The following ZMYM2 variants were observed in gnomAD, a reference collection of about 807,000 sequenced individuals.
ZMYM2 encodes zinc finger MYM-type protein 2.
A neutral mutation model predicts 162.8 loss-of-function variants in ZMYM2; 56 were observed. That is an observed-to-expected ratio of 0.34 (90% CI 0.28 to 0.43). ZMYM2 has a LOEUF of 0.43. ZMYM2 is among the 20% of genes least tolerant of loss of function. The pLI, the probability that ZMYM2 is intolerant of heterozygous loss-of-function variation, is 1.00. For missense variants in ZMYM2, 1,275 were observed against 1,621.8 expected, an observed-to-expected ratio of 0.79 and a Z score of 3.67; for synonymous variants, 510 against 541.6, an observed-to-expected ratio of 0.94 and a Z score of 0.81.
intron 2 of ZMYM2, among the ~76,000 whole-genome samples, chr13:19,976,710 G>A (rs922380376): frequency 5.9e-5 from 9 of 152,148 alleles, no homozygotes; most frequent in Non-Finnish European, 1.2e-4. Flanking sequence ...ATGTCCTCAT[G>A]GTTCTACGTT....
At chr13:19,883,900 G>A in the ZMYM2 span, among the ~76,000 whole-genome samples, 2 of 152,132 alleles carry the variant, frequency 1.3e-5, no homozygotes, top group Non-Finnish European at 2.9e-5. Context: ...GGGATTACAA[G>A]GGCCCACCCC....
rs1181179109 is a variant in ZMYM2 at position 20,087,732 on chromosome 13, T to C, written c.*1718T>C. The stretch of plus-strand genomic sequence containing the variant: ...GACTTTTCAGTCCCTTGATTTTATA[T>C]TGTTGAGTGATAATCAGACTGATAG... On this transcript the variant is annotated 3_prime_UTR_variant, in exon 25 of 25. Transcript: ENST00000610343. 1 of 186,156 alleles carries C rather than the reference T, an allele frequency of 5.4e-6. No individual in the cohort carries two copies. The highest frequency in any genetic ancestry group is 1.1e-5 in the Non-Finnish European group (1 of 87,942). 11.5% of individuals were successfully genotyped at this position (186,156 alleles called of 1,614,324 possible).
chr13:20,052,224 A>G, intron 13 of ZMYM2, 53 bp from the exon 14 acceptor site: 13 of 1,420,732 alleles, frequency 9.2e-6, no homozygotes, highest in Non-Finnish European at 1.2e-5. Context: ...GGGATTTAGA[A>G]CATTCTGAAG....
At chr13:19,866,522 G>A in the ZMYM2 span, among the ~76,000 whole-genome samples, 6 of 152,002 alleles carry the variant, frequency 3.9e-5, no homozygotes, top group Non-Finnish European at 7.4e-5. Flanking sequence ...AAAAGTAGCC[G>A]GGCGTGGTGG....
At chr13:20,020,939 A>G (rs1284523492) in intron 7 of ZMYM2, among the ~76,000 whole-genome samples, 1 of 150,668 alleles carries the variant, frequency 6.6e-6, no homozygotes, top group Non-Finnish European at 1.5e-5. Flanking sequence ...ATATATTAGC[A>G]TATTTATAAT....
chr13:20,083,146 T>A (rs9509029), intron 23 of ZMYM2, 114 bp downstream of exon 23: 10 of 1,090,850 alleles, frequency 9.2e-6, no homozygotes, highest in Admixed American at 5.7e-5. Context: ...CACCGCAACC[T>A]CTACCTCCTG....
the ZMYM2 span, among the ~76,000 whole-genome samples, chr13:19,923,281 C>CAGGA: frequency 3.0e-5 from 4 of 135,236 alleles, no homozygotes; most frequent in African/African-American, 1.1e-4. Context: ...CCCTTGAACC[C>CAGGA]AGGAGGTGGA....
At chr13:20,036,356 C>G (rs982007632) in intron 11 of ZMYM2, among the ~76,000 whole-genome samples, 1 of 151,888 alleles carries the variant, frequency 6.6e-6, no homozygotes, top group Admixed American at 6.6e-5. Flanking sequence ...TATAAATTTA[C>G]TCAGAGCCTC....
intron 16 of ZMYM2, among the ~76,000 whole-genome samples, chr13:20,059,833 A>G (rs1448472980): frequency 2.0e-5 from 3 of 152,058 alleles, no homozygotes; most frequent in Non-Finnish European, 4.4e-5. Flanking sequence ...CAGGAGTTCA[A>G]GACCAGCCTG....
the ZMYM2 span, among the ~76,000 whole-genome samples, chr13:19,914,781 C>T: frequency 2.6e-5 from 4 of 152,116 alleles, no homozygotes; most frequent in Non-Finnish European, 5.9e-5. Context: ...ATTCACTGGT[C>T]TTATGGTGTT....
the ZMYM2 span, among the ~76,000 whole-genome samples, chr13:19,884,742 A>G: frequency 6.6e-6 from 1 of 152,170 alleles, no homozygotes; most frequent in Admixed American, 6.6e-5. Flanking sequence ...AACTCTCGCG[A>G]TAAATGTTAC....
chr13:20,058,566 TCTC>T lies in ZMYM2; in HGVS notation c.2494-7_2494-5del. The T allele has an allele frequency of 6.2e-7, 1 of 1,603,740 alleles. No individual in the cohort carries two copies. The highest frequency in any genetic ancestry group is 8.5e-7 in the Non-Finnish European group (1 of 1,177,078). On this transcript the variant is annotated splice_region_variant and splice_polypyrimidine_tract_variant and intron_variant, in intron 14 of 24. Coordinates refer to ENST00000610343, the MANE Select transcript of ZMYM2 (RefSeq NM_197968.4). ...AAAAATAAAAATGTTTCTCTTTGCT[TCTC>T]CATAGGGTTCAGCACCACCCCCTTC...
At chr13:19,991,624 C>CTTTTTTT (rs11413369) in intron 2 of ZMYM2, among the ~76,000 whole-genome samples, 3 of 131,366 alleles carry the variant, frequency 2.3e-5, no homozygotes, top group Non-Finnish European at 3.1e-5. Flanking sequence ...TTTTCTTTTT[C>CTTTTTTT]TTTTTTTTTT....
At chr13:20,003,280 T>G in intron 4 of ZMYM2, 145 bp downstream of exon 4, 1 of 960,576 alleles carries the variant, frequency 1.0e-6, no homozygotes, top group Non-Finnish European at 1.5e-6. Flanking sequence ...CCTGTTTGGA[T>G]GGCATTGGAG....
intron 2 of ZMYM2, among the ~76,000 whole-genome samples, chr13:19,975,151 T>C (rs920482535): frequency 3.4e-5 from 5 of 145,826 alleles, no homozygotes; most frequent in East Asian, 2.0e-4. Context: ...GGTATTTTTT[T>C]CCCCCATATG....
At chr13:19,894,300 A>G in the ZMYM2 span, among the ~76,000 whole-genome samples, 2 of 151,906 alleles carry the variant, frequency 1.3e-5, no homozygotes, top group African/African-American at 2.4e-5. Context: ...AAGTTGGGCA[A>G]AATCATCTAC....
chr13:19,872,582 C>A, the ZMYM2 span, among the ~76,000 whole-genome samples: 1 of 151,932 alleles, frequency 6.6e-6, no homozygotes, highest in African/African-American at 2.4e-5. Flanking sequence ...GACTTCAAAA[C>A]AATTCAAGGT....
At chr13:19,954,813 G>GT (rs984934698), upstream of ZMYM2, among the ~76,000 whole-genome samples, 273 of 147,796 alleles carry the variant, frequency 1.8e-3, no homozygotes, top group African/African-American at 4.6e-3. Flanking sequence ...AAATATTGTT[G>GT]TTTTTTTTTT....
chr13:19,997,358 G>A (rs1950091171), intron 3 of ZMYM2, among the ~76,000 whole-genome samples: 1 of 152,128 alleles, frequency 6.6e-6, no homozygotes, highest in South Asian at 2.1e-4. Context: ...AAGTTACTGG[G>A]CTAAATATTA....
Sources: gnomAD v4.1 joint callset for allele counts (sites outside exome capture counted in the v4.1 genomes callset) on GRCh38, gnomAD v4.1.1 for gene constraint, MANE v1.5 for transcripts, NCBI Gene and HGNC (gene_info 2026-07-23, HGNC 2026-07-21) for gene names.